Variants in ZNF521 observed in about 807,000 individuals in gnomAD.
ZNF521 encodes zinc finger protein 521.
In ZNF521, 14 loss-of-function variants were observed where a neutral mutation model predicts 105.5. The observed-to-expected ratio is 0.13, with a 90% CI of 0.09 to 0.21. The LOEUF is 0.21. Among genes scored for constraint, ZNF521 ranks in the 10% least tolerant of loss-of-function variants. The pLI, the probability that ZNF521 is intolerant of heterozygous loss-of-function variation, is 1.00. For synonymous variants in ZNF521, 635 were observed against 606.0 expected (o/e 1.05, Z -0.70); for missense variants, 1,233 against 1,629.7 (o/e 0.76, Z 4.19).
At chr18:25,184,542 G>A (rs1174931691) in intron 5 of ZNF521, among the ~76,000 whole-genome samples, 2 of 152,286 alleles carry the variant, frequency 1.3e-5, no homozygotes, top group Non-Finnish European at 2.9e-5. Context: ...GCATTACTGA[G>A]TGGATTAAGG....
chr18:25,143,702 A>C (rs1181729505), intron 5 of ZNF521, among the ~76,000 whole-genome samples: 1 of 152,126 alleles, frequency 6.6e-6, no homozygotes, highest in African/African-American at 2.4e-5. Flanking sequence ...AAAAGAAACA[A>C]CGTGTTTTCC....
intron 5 of ZNF521, among the ~76,000 whole-genome samples, chr18:25,096,999 G>GA (rs2033865109): frequency 2.6e-5 from 4 of 152,204 alleles, no homozygotes; most frequent in Non-Finnish European, 4.4e-5. Context: ...TTAAATCTAA[G>GA]AAAACTATGC....
intron 5 of ZNF521, among the ~76,000 whole-genome samples, chr18:25,105,698 T>C (rs994185027): frequency 1.1e-4 from 16 of 152,144 alleles, no homozygotes; most frequent in Non-Finnish European, 4.4e-5. Context: ...TGAAGTGATA[T>C]GGGTAGTTAC....
rs777289212 is a variant in ZNF521, at chr18:25,322,178, C to A, written c.50G>T (p.Cys17Phe). 2.0e-5 allele frequency: 33 copies of A among 1,614,028 alleles called. No individual in the cohort carries two copies. The highest frequency in any genetic ancestry group is 3.4e-6 in the Non-Finnish European group (4 of 1,180,006). The stretch of plus-strand genomic sequence containing the variant: ...ATCTTCAGTCTTGTCTTCAAGTTTA[C>A]AGTTGGGGTCTGAAAAATATCAACA... ...AKPRSLKDPNCKLEDKTEDGE... is the reference protein window; with the variant it reads ...AKPRSLKDPNFKLEDKTEDGE... Residue 17 changes from cysteine (C) to phenylalanine (F), a missense_variant, in exon 3 of 8, where the codon TGT becomes TTT. Physicochemically the swap from Cys to Phe is radical, Grantham distance 205. Transcript: ENST00000361524.
chr18:25,090,195 C>T (rs1364439715), intron 6 of ZNF521, among the ~76,000 whole-genome samples: 3 of 152,136 alleles, frequency 2.0e-5, no homozygotes, highest in African/African-American at 7.2e-5. Context: ...TAACAGTTTA[C>T]CTAGGAGACA....
chr18:25,125,804 C>T lies in ZNF521; in HGVS notation c.3659-33723G>A, dbSNP rs533171123. Among the ~76,000 whole-genome samples, 73 of 151,394 alleles carry T rather than the reference C, an allele frequency of 4.8e-4. 1 individual carries two copies. The highest frequency in any genetic ancestry group is 3.4e-3 in the Middle Eastern group (1 of 294). ...CTATTATTTCCAAGAAATAAACTTG[C>T]TTGCTATCCAGTAGTGGCTGGCACT... On this transcript the variant is annotated intron_variant, in intron 5 of 7. Coordinates refer to ENST00000361524, the MANE Select transcript of ZNF521 (RefSeq NM_015461.3).
chr18:25,342,908 GA>G (rs1217904093), intron 2 of ZNF521, among the ~76,000 whole-genome samples: 1 of 152,182 alleles, frequency 6.6e-6, no homozygotes, highest in Non-Finnish European at 1.5e-5. Flanking sequence ...GCTCTATTGT[GA>G]AAGATAAGAA....
intron 2 of ZNF521, among the ~76,000 whole-genome samples, chr18:25,346,644 C>T (rs534603921): frequency 6.6e-6 from 1 of 152,192 alleles, no homozygotes; most frequent in African/African-American, 2.4e-5. Flanking sequence ...TAAAATAAAC[C>T]TTCCTAAGTA....
intron 2 of ZNF521, among the ~76,000 whole-genome samples, chr18:25,341,861 C>T (rs1187118235): frequency 6.6e-6 from 1 of 152,156 alleles, no homozygotes; most frequent in Non-Finnish European, 1.5e-5. Context: ...AAGAGCAAGG[C>T]TTATATATCT....
intron 4 of ZNF521, among the ~76,000 whole-genome samples, chr18:25,209,446 T>A (rs888859889): frequency 2.0e-5 from 3 of 152,190 alleles, no homozygotes; most frequent in African/African-American, 7.2e-5. Context: ...GTTATACATC[T>A]AAATTACAAA....
chr18:25,325,707 T>G (rs2145157927), intron 2 of ZNF521, among the ~76,000 whole-genome samples: 1 of 152,262 alleles, frequency 6.6e-6, no homozygotes, highest in East Asian at 1.9e-4. Flanking sequence ...CACCTCATCC[T>G]CTGAAAAGGG....
chr18:25,107,275 T>A (rs1376926560), intron 5 of ZNF521, among the ~76,000 whole-genome samples: 1 of 152,252 alleles, frequency 6.6e-6, no homozygotes, highest in Non-Finnish European at 1.5e-5. Flanking sequence ...TCAGTAAATG[T>A]GAGTTATTCT....
chr18:25,223,044 T>C (rs747077941), intron 4 of ZNF521, among the ~76,000 whole-genome samples: 9 of 152,184 alleles, frequency 5.9e-5, no homozygotes, highest in Non-Finnish European at 1.2e-4. Context: ...CTTTAACTTT[T>C]CTATAGGTTT....
intron 5 of ZNF521, among the ~76,000 whole-genome samples, chr18:25,175,566 C>G (rs1470550593): frequency 3.3e-5 from 5 of 152,220 alleles, no homozygotes; most frequent in African/African-American, 9.6e-5. Context: ...GTTAATGAGC[C>G]TCAGTTATTT....
intron 5 of ZNF521, among the ~76,000 whole-genome samples, chr18:25,140,562 T>C (rs1299274322): frequency 6.6e-6 from 1 of 152,198 alleles, no homozygotes; most frequent in African/African-American, 2.4e-5. Flanking sequence ...CCAGTCAGCA[T>C]ATCCTCCATA....
intron 3 of ZNF521, among the ~76,000 whole-genome samples, chr18:25,291,730 A>G (rs1199259162): frequency 6.6e-6 from 1 of 152,128 alleles, no homozygotes; most frequent in Non-Finnish European, 1.5e-5. Flanking sequence ...CCCTCGGCAT[A>G]CTATATTTGC....
intron 3 of ZNF521, among the ~76,000 whole-genome samples, chr18:25,240,748 A>G (rs2144796454): frequency 6.6e-6 from 1 of 152,132 alleles, no homozygotes; most frequent in African/African-American, 2.4e-5. Context: ...AGACTCTCTG[A>G]GAGTTAAGAC....
chr18:25,271,403 G>A lies in ZNF521; in HGVS notation c.221-43706C>T, dbSNP rs530229336. The stretch of plus-strand genomic sequence containing the variant: ...AGGTACCATTGACTTTCTTCACAGA[G>A]TTGGAAAAAACTACTTGAAATTTCA... On this transcript the variant is annotated intron_variant, in intron 3 of 7. Coordinates refer to ENST00000361524, the MANE Select transcript of ZNF521 (RefSeq NM_015461.3). 2.2e-3 allele frequency among the ~76,000 whole-genome samples: 329 copies of A among 152,152 alleles called. 2 individuals carry two copies. Among genetic ancestry groups the A allele is most frequent in the African/African-American group, 7.1e-3 (297 of 41,540 alleles).
At position 25,241,050 on chromosome 18, in the gene ZNF521, G is replaced by A. The variant is rs538392803; in HGVS notation, c.221-13353C>T. ...TGCAATATGTAAACAGTTATTAGGC[G>A]TCTCATCTGTGTGTTTTATACTCCC... On this transcript the variant is annotated intron_variant, in intron 3 of 7. Transcript: ENST00000361524. Among the ~76,000 whole-genome samples the A allele has an allele frequency of 3.5e-4, 53 of 150,992 alleles. 2 individuals are homozygous for A. In the South Asian group the frequency reaches 0.01, roughly 29 times the overall value.
Sources: allele counts gnomAD v4.1 joint callset (sites outside exome capture counted in the v4.1 genomes callset), GRCh38; gene constraint gnomAD v4.1.1; transcripts MANE v1.5; gene names NCBI Gene and HGNC (gene_info 2026-07-23, HGNC 2026-07-21).